Variants in DEPTOR observed in about 807,000 individuals in gnomAD.
DEPTOR encodes the protein DEP domain-containing mTOR-interacting protein.
In DEPTOR, 41 loss-of-function variants were observed where a neutral mutation model predicts 41.6. That is an observed-to-expected ratio of 0.98 (90% CI 0.77 to 1.28). The LOEUF (loss-of-function observed/expected upper bound fraction) is 1.28. Ranked by LOEUF, DEPTOR falls within the 50% of genes most tolerant of loss-of-function variation. The pLI is 0.00. For missense variants in DEPTOR, 514 were observed against 527.9 expected (o/e 0.97, Z 0.26); for synonymous variants, 195 against 192.3 (o/e 1.01, Z -0.12).
intron 3 of DEPTOR, among the ~76,000 whole-genome samples, chr8:119,945,581 C>T (rs1449293946): frequency 6.6e-6 from 1 of 152,216 alleles, no homozygotes; most frequent in Admixed American, 6.5e-5. Flanking sequence ...AGGCTCTTCA[C>T]TTTCCCACAA....
intron 3 of DEPTOR, among the ~76,000 whole-genome samples, chr8:119,956,918 G>A (rs1002169358): frequency 6.6e-6 from 1 of 151,884 alleles, no homozygotes; most frequent in Admixed American, 6.6e-5. Flanking sequence ...TGTGTTTTTA[G>A]TAGAGACGGG....
chr8:120,006,495 T>G (rs1287841507), intron 6 of DEPTOR, among the ~76,000 whole-genome samples: 1 of 151,096 alleles, frequency 6.6e-6, no homozygotes, highest in Admixed American at 6.6e-5. Flanking sequence ...TTGCACTCCA[T>G]CCTGGGTGAC....
intron 1 of DEPTOR, among the ~76,000 whole-genome samples, chr8:119,889,701 G>T (rs1211071672): frequency 7.4e-6 from 1 of 134,838 alleles, no homozygotes; most frequent in African/African-American, 2.6e-5. Flanking sequence ...GAGAGGAGTG[G>T]AGAAGGGAAA....
At chr8:119,937,471 C>A (rs1299241851) in intron 3 of DEPTOR, among the ~76,000 whole-genome samples, 1 of 152,166 alleles carries the variant, frequency 6.6e-6, no homozygotes, top group Non-Finnish European at 1.5e-5. Flanking sequence ...CTAGTGGTTA[C>A]ATATAATTTT....
chr8:119,926,950 T>C (rs535810877), intron 1 of DEPTOR, among the ~76,000 whole-genome samples: 1 of 152,298 alleles, frequency 6.6e-6, no homozygotes, highest in African/African-American at 2.4e-5. Context: ...ATGTCATAAA[T>C]TCCATGCCCA....
chr8:119,997,650 C>A (rs1812290818), intron 4 of DEPTOR, among the ~76,000 whole-genome samples: 1 of 152,066 alleles, frequency 6.6e-6, no homozygotes, highest in Admixed American at 6.6e-5. Flanking sequence ...TGTGGAATAC[C>A]CATATGGATT....
At chr8:119,953,426 T>C (rs2129932486) in intron 3 of DEPTOR, among the ~76,000 whole-genome samples, 1 of 151,828 alleles carries the variant, frequency 6.6e-6, no homozygotes, top group Non-Finnish European at 1.5e-5. Flanking sequence ...CTACTGAAAA[T>C]ACAAAAATTA....
intron 1 of DEPTOR, among the ~76,000 whole-genome samples, chr8:119,915,288 T>C (rs753340511): frequency 1.3e-5 from 2 of 152,204 alleles, no homozygotes; most frequent in Non-Finnish European, 2.9e-5. Flanking sequence ...ATTTAAATAA[T>C]GTTTTTATAT....
At chr8:119,928,212 A>C (rs775277643) in intron 1 of DEPTOR, among the ~76,000 whole-genome samples, 188 bp from the exon 2 acceptor site, 4 of 151,968 alleles carry the variant, frequency 2.6e-5, no homozygotes, top group Admixed American at 6.6e-5. Flanking sequence ...TGTCATCTAG[A>C]TCAGAGGCTG....
Position 120,003,020 on chromosome 8 carries a change from A to G in DEPTOR, c.834A>G (p.Arg278=), listed in dbSNP as rs1812378811. 4.4e-6 allele frequency: 7 copies of G among 1,603,612 alleles called. No homozygotes were observed. Among genetic ancestry groups the G allele is most frequent in the Non-Finnish European group, 6.0e-6 (7 of 1,175,544 alleles). Residue 278 remains arginine, a synonymous_variant, in exon 6 of 9, where the codon AGA becomes AGG. Coordinates refer to ENST00000286234, the MANE Select transcript of DEPTOR (RefSeq NM_022783.4). ...TCAAGATCGTGTCTGCAGTGAGGAG[A>G]AGCAGCATGAGCAGCTGTGGCAGCA... ...KEIKIVSAVR[R]SSMSSCGSSG... is the part of the protein sequence containing the mutation.
chr8:119,915,783 C>G (rs565877890), intron 1 of DEPTOR, among the ~76,000 whole-genome samples: 3 of 152,170 alleles, frequency 2.0e-5, no homozygotes, highest in Admixed American at 2.0e-4. Context: ...CAGCAAACCT[C>G]GCAGTAGGGA....
intron 8 of DEPTOR, among the ~76,000 whole-genome samples, chr8:120,040,917 A>G (rs867168604): frequency 6.6e-6 from 1 of 152,142 alleles, no homozygotes; most frequent in Non-Finnish European, 1.5e-5. Flanking sequence ...GTATCATTTA[A>G]TCGGGCAGCC....
intron 3 of DEPTOR, among the ~76,000 whole-genome samples, chr8:119,936,041 T>C (rs1229258428): frequency 1.3e-5 from 2 of 148,720 alleles, no homozygotes; most frequent in Non-Finnish European, 3.0e-5. Flanking sequence ...CTTGATTTTC[T>C]CAGCAGCAGG....
intron 1 of DEPTOR, among the ~76,000 whole-genome samples, chr8:119,904,965 C>CTTTTTTTTTTT (rs71304920): frequency 2.3e-5 from 2 of 85,972 alleles, no homozygotes; most frequent in Non-Finnish European, 2.1e-5. Context: ...CTAATTTTTG[C>CTTTTTTTTTTT]TTTTTTTTTT....
chr8:119,967,139 C>T (rs1230226689), intron 4 of DEPTOR, among the ~76,000 whole-genome samples: 1 of 151,908 alleles, frequency 6.6e-6, no homozygotes, highest in Non-Finnish European at 1.5e-5. Context: ...AGTGCAGTAG[C>T]ATGATCTTGG....
At chr8:119,999,796 G>A (rs372601846) in intron 4 of DEPTOR, among the ~76,000 whole-genome samples, 1 of 152,204 alleles carries the variant, frequency 6.6e-6, no homozygotes, top group Non-Finnish European at 1.5e-5. Context: ...GGAGAGCAAA[G>A]GTGGTTGCCA....
At chr8:119,925,404 G>A (rs1038698931) in intron 1 of DEPTOR, among the ~76,000 whole-genome samples, 11 of 151,442 alleles carry the variant, frequency 7.3e-5, no homozygotes, top group South Asian at 6.3e-4. Flanking sequence ...ACAAACAAAC[G>A]AAAATAATAA....
intron 3 of DEPTOR, among the ~76,000 whole-genome samples, chr8:119,954,846 G>T (rs1828397662): frequency 2.4e-4 from 1 of 4,186 alleles, no homozygotes. Flanking sequence ...GCAAATATTG[G>T]TGTGTGTGTG....
intron 1 of DEPTOR, among the ~76,000 whole-genome samples, chr8:119,896,352 C>T (rs1827519653): frequency 6.6e-6 from 1 of 152,124 alleles, no homozygotes; most frequent in South Asian, 2.1e-4. Flanking sequence ...AGTTTCCCTC[C>T]AAAGGCCATG....
Sources: gnomAD v4.1 joint callset for allele counts (sites outside exome capture counted in the v4.1 genomes callset) on GRCh38, gnomAD v4.1.1 for gene constraint, MANE v1.5 for transcripts, NCBI Gene and HGNC (gene_info 2026-07-23, HGNC 2026-07-21) for gene names.